DAPK1: variants seen among roughly 807,000 people sequenced by gnomAD.
The protein encoded by DAPK1 is death-associated protein kinase 1.
A neutral mutation model predicts 144.9 loss-of-function variants in DAPK1; 56 were observed. The ratio of observed to expected loss-of-function variants is 0.39; its 90% confidence interval spans 0.31 to 0.48. The LOEUF (loss-of-function observed/expected upper bound fraction) is 0.48, where lower values mean the gene tolerates loss of function less well. Among genes scored for constraint, DAPK1 ranks in the 20% least tolerant of loss-of-function variants. The pLI is 0.95. For synonymous variants in DAPK1, 690 were observed against 749.0 expected (o/e 0.92, Z 1.29); for missense variants, 1,454 against 1,875.4 (o/e 0.78, Z 4.15).
chr9:87,551,825 C>T (rs79490653), intron 2 of DAPK1, among the ~76,000 whole-genome samples: 67 of 152,226 alleles, frequency 4.4e-4, no homozygotes, highest in East Asian at 2.7e-3. Flanking sequence ...AGGAGAGACC[C>T]GAAGATAAGC....
chr9:87,606,695 CT>C, intron 3 of DAPK1, among the ~76,000 whole-genome samples: 6 of 69,206 alleles, frequency 8.7e-5, no homozygotes, highest in Non-Finnish European at 8.4e-5. Flanking sequence ...TCCCTCTCTC[CT>C]TCCTTCCTTC....
chr9:87,658,189 C>T (rs376577944), intron 18 of DAPK1, 62 bp downstream of exon 18: 4 of 686,836 alleles, frequency 5.8e-6, no homozygotes, highest in African/African-American at 1.8e-5. Context: ...GCCTCCAGGG[C>T]AGGAGGGACA....
chr9:87,506,842 GA>G (rs1447491945), intron 2 of DAPK1: 2 of 152,098 alleles, frequency 1.3e-5, no homozygotes, highest in African/African-American at 4.8e-5. Context: ...GAAGGTGGAA[GA>G]AAAAAGAAGT....
intron 2 of DAPK1, among the ~76,000 whole-genome samples, chr9:87,585,396 T>C (rs967785362): frequency 4.6e-5 from 7 of 152,200 alleles, no homozygotes; most frequent in Non-Finnish European, 1.0e-4. Flanking sequence ...CAAATGCTTA[T>C]TGTAGCATGT....
At chr9:87,554,499 T>C (rs1231393864) in intron 2 of DAPK1, 1 of 152,154 alleles carries the variant, frequency 6.6e-6, no homozygotes, top group Non-Finnish European at 1.5e-5. Context: ...AAAGAATTTT[T>C]ACCTCCGGAC....
intron 2 of DAPK1, among the ~76,000 whole-genome samples, chr9:87,519,968 T>C (rs117021753): frequency 0.014 from 2,160 of 151,478 alleles, 28 homozygotes; most frequent in Non-Finnish European, 0.025. Context: ...TGTGTTTGAG[T>C]AGTCTGAAAT....
intron 25 of DAPK1, among the ~76,000 whole-genome samples, 194 bp downstream of exon 25, chr9:87,703,411 T>C (rs2118091851): frequency 6.6e-6 from 1 of 152,324 alleles, no homozygotes; most frequent in African/African-American, 2.4e-5. Flanking sequence ...CGGCTCACCT[T>C]AGGAGCTGTC....
At chr9:87,535,903 G>A (rs1825846219) in intron 2 of DAPK1, among the ~76,000 whole-genome samples, 1 of 152,128 alleles carries the variant, frequency 6.6e-6, no homozygotes, top group African/African-American at 2.4e-5. Context: ...TTACATCTGG[G>A]TGCTTTTTAT....
At chr9:87,626,345 G>A (rs371342889) in intron 3 of DAPK1, among the ~76,000 whole-genome samples, 227 of 152,348 alleles carry the variant, frequency 1.5e-3, no homozygotes, top group African/African-American at 5.2e-3. Flanking sequence ...AACCCGGAAG[G>A]TGGAGGTTGC....
chr9:87,648,516 A>G (rs1198254627), intron 14 of DAPK1: 7 of 418,928 alleles, frequency 1.7e-5, no homozygotes, highest in Non-Finnish European at 3.0e-5. Context: ...GAGAACAGCT[A>G]TCATGGAAAA....
intron 3 of DAPK1, among the ~76,000 whole-genome samples, chr9:87,617,866 T>C (rs1456871222): frequency 1.3e-5 from 2 of 152,206 alleles, no homozygotes; most frequent in Admixed American, 1.3e-4. Flanking sequence ...TCTAGCTCAG[T>C]CCATGGCATC....
chr9:87,603,824 G>T (rs1331367190), intron 2 of DAPK1, among the ~76,000 whole-genome samples: 1 of 152,108 alleles, frequency 6.6e-6, no homozygotes, highest in East Asian at 1.9e-4. Context: ...ACCTCTCACC[G>T]TCTCACGCAC....
At chr9:87,613,416 C>T (rs1828994630) in intron 3 of DAPK1, among the ~76,000 whole-genome samples, 1 of 152,140 alleles carries the variant, frequency 6.6e-6, no homozygotes, top group African/African-American at 2.4e-5. Context: ...TCAGTTTGCC[C>T]ATCACAAACA....
intron 16 of DAPK1, among the ~76,000 whole-genome samples, chr9:87,650,726 C>T (rs184254280): frequency 2.8e-4 from 43 of 152,240 alleles, no homozygotes; most frequent in South Asian, 8.3e-4. Context: ...GGGTCGGGGG[C>T]GACTTTGCCC....
chr9:87,705,912 G>A (rs1342274275), intron 25 of DAPK1, among the ~76,000 whole-genome samples: 1 of 151,880 alleles, frequency 6.6e-6, no homozygotes, highest in East Asian at 1.9e-4. Context: ...AGACTTCAGG[G>A]GAGTTGTTTT....
intron 14 of DAPK1, among the ~76,000 whole-genome samples, chr9:87,647,876 A>G (rs937033067): frequency 1.3e-5 from 2 of 152,224 alleles, no homozygotes; most frequent in Non-Finnish European, 2.9e-5. Flanking sequence ...CGGTGTTATA[A>G]AAGTTACTGA....
intron 2 of DAPK1, among the ~76,000 whole-genome samples, chr9:87,554,738 C>T (rs908854955): frequency 6.6e-6 from 1 of 152,214 alleles, no homozygotes; most frequent in African/African-American, 2.4e-5. Context: ...ATCAGCTGGC[C>T]TCGGCCTGAC....
chr9:87,575,275 G>GTAAAA (rs1827513657), intron 2 of DAPK1, among the ~76,000 whole-genome samples: 1 of 120,596 alleles, frequency 8.3e-6, no homozygotes, highest in Non-Finnish European at 2.0e-5. Context: ...ATAAAATAAA[G>GTAAAA]GTAAAAGGCA....
chr9:87,665,849 T>G (rs1388935930), intron 18 of DAPK1, among the ~76,000 whole-genome samples: 1 of 152,172 alleles, frequency 6.6e-6, no homozygotes, highest in Non-Finnish European at 1.5e-5. Flanking sequence ...AACTCACCCT[T>G]CTGCAGCCAC....
Sources: allele counts gnomAD v4.1 joint callset (sites outside exome capture counted in the v4.1 genomes callset), GRCh38; gene constraint gnomAD v4.1.1; transcripts MANE v1.5; gene names NCBI Gene and HGNC (gene_info 2026-07-23, HGNC 2026-07-21).